The following ASTN2 variants were observed in gnomAD, a reference collection of about 807,000 sequenced individuals.
The protein encoded by ASTN2 is astrotactin-2.
A neutral mutation model predicts 139.8 loss-of-function variants in ASTN2; 54 were observed. The ratio of observed to expected loss-of-function variants is 0.39; its 90% CI spans 0.31 to 0.48. The LOEUF (loss-of-function observed/expected upper bound fraction) is 0.48. Among genes scored for constraint, ASTN2 ranks in the 20% least tolerant of loss-of-function variants. The pLI, the probability that ASTN2 is intolerant of heterozygous loss-of-function variation, is 0.95. For synonymous variants in ASTN2, 756 were observed against 719.5 expected, an observed-to-expected ratio of 1.05 and a Z score of -0.81; for missense variants, 1,565 against 1,725.1, an observed-to-expected ratio of 0.91 and a Z score of 1.64.
chr9:116,763,686 T>C (rs1829733846), intron 13 of ASTN2, among the ~76,000 whole-genome samples: 1 of 152,196 alleles, frequency 6.6e-6, no homozygotes, highest in South Asian at 2.1e-4. Flanking sequence ...TCTCTGAGTT[T>C]GTTTCTTTGT....
intron 1 of ASTN2, among the ~76,000 whole-genome samples, chr9:117,389,714 G>A (rs935530295): frequency 6.6e-6 from 1 of 152,076 alleles, no homozygotes; most frequent in African/African-American, 2.4e-5. Flanking sequence ...TACTAATTGT[G>A]AACCAAATGC....
intron 19 of ASTN2, among the ~76,000 whole-genome samples, chr9:116,565,409 A>ATT (rs1853168006): frequency 9.0e-6 from 1 of 110,646 alleles, no homozygotes; most frequent in African/African-American, 3.6e-5. Flanking sequence ...ATATATATAT[A>ATT]TATATATATA....
At chr9:116,533,608 A>G (rs1851468314) in intron 19 of ASTN2, among the ~76,000 whole-genome samples, 1 of 152,106 alleles carries the variant, frequency 6.6e-6, no homozygotes. Context: ...TTCTGCATCT[A>G]TTGAGATAAT....
chr9:116,439,346 G>A (rs186619643), intron 22 of ASTN2, among the ~76,000 whole-genome samples: 7,938 of 141,868 alleles, frequency 0.056, 431 homozygotes, highest in East Asian at 0.19. Context: ...GACTACAGGC[G>A]CCCGCCACTA....
chr9:117,189,171 A>G (rs147081048), intron 3 of ASTN2, among the ~76,000 whole-genome samples: 12 of 152,156 alleles, frequency 7.9e-5, no homozygotes, highest in African/African-American at 2.9e-4. Flanking sequence ...ACGGCACTTA[A>G]AAGTGCTCAG....
intron 1 of ASTN2, among the ~76,000 whole-genome samples, chr9:117,411,446 C>CAAAAAAA (rs199996219): frequency 6.9e-5 from 3 of 43,244 alleles, no homozygotes; most frequent in African/African-American, 1.9e-4. Flanking sequence ...AAAGGATCTG[C>CAAAAAAA]AAAAAAAAAA....
Position 117,414,412 on chromosome 9 carries a change from A to AT in ASTN2, c.442+84dup, listed in dbSNP as rs1016151137. 3.2e-6 allele frequency: 5 copies of AT among 1,562,602 alleles called. No homozygotes were observed. In the Admixed American group the frequency reaches 5.3e-5, roughly 17 times the overall value. ...CCACTCGGGGCAGCCCCGGGCAGGG[A>AT]TCCCCAGGGCGCCCCCACCCGTCCG... is the stretch of plus-strand genomic sequence containing the variant. On this transcript the variant is annotated intron_variant, in intron 1 of 22. Transcript: ENST00000313400. The surrounding 1 kb of genome is among the most constrained non-coding windows in gnomAD (Gnocchi z 4.2).
chr9:116,897,940 G>A lies in ASTN2; in HGVS notation c.1890-34207C>T, dbSNP rs189548718. On this transcript the variant is annotated intron_variant, in intron 10 of 22. Transcript: ENST00000313400. ...TTTGGGCAGGGAGAGCTGGGACAAA[G>A]ACTAGATTAGCAATGACAAATGTGG... Among the ~76,000 whole-genome samples the A allele has an allele frequency of 7.8e-4, 119 of 151,824 alleles. 1 individual carries two copies. The East Asian group carries it at 0.012, about 15-fold the overall frequency.
chr9:116,946,434 C>T (rs1434328814), intron 10 of ASTN2, among the ~76,000 whole-genome samples: 3 of 152,178 alleles, frequency 2.0e-5, no homozygotes, highest in East Asian at 3.9e-4. Context: ...ACTCCCCTCT[C>T]CTTCTTTCAC....
At chr9:116,746,818 T>C (rs1044344565) in intron 13 of ASTN2, among the ~76,000 whole-genome samples, 4 of 152,154 alleles carry the variant, frequency 2.6e-5, no homozygotes, top group African/African-American at 9.7e-5. Flanking sequence ...GTCTCCCTCA[T>C]TGGACCATGA....
At chr9:117,262,476 T>C (rs1463306010) in intron 2 of ASTN2, among the ~76,000 whole-genome samples, 8 of 152,000 alleles carry the variant, frequency 5.3e-5, no homozygotes, top group Admixed American at 2.6e-4. Context: ...TAGTTTTCCT[T>C]TGAGAAACTA....
At chr9:117,149,062 C>A (rs1830268062) in intron 3 of ASTN2, among the ~76,000 whole-genome samples, 1 of 151,818 alleles carries the variant, frequency 6.6e-6, no homozygotes. Context: ...CTCCATTGCC[C>A]AAGCTGGAGT....
intron 19 of ASTN2, among the ~76,000 whole-genome samples, chr9:116,615,990 T>C (rs1189726020): frequency 6.6e-6 from 1 of 152,136 alleles, no homozygotes; most frequent in Non-Finnish European, 1.5e-5. Flanking sequence ...TGCCTGAGAT[T>C]AGAAAAACAG....
chr9:117,208,167 T>C (rs1832000011), intron 3 of ASTN2, among the ~76,000 whole-genome samples: 1 of 152,074 alleles, frequency 6.6e-6, no homozygotes, highest in East Asian at 1.9e-4. Flanking sequence ...CTGATCATAA[T>C]AAAATACATG....
At chr9:116,516,075 T>C (rs574316009) in intron 19 of ASTN2, among the ~76,000 whole-genome samples, 27 of 152,308 alleles carry the variant, frequency 1.8e-4, no homozygotes, top group African/African-American at 5.8e-4. Context: ...TTTCCCTTAT[T>C]TTATTAAAAT....
intron 1 of ASTN2, among the ~76,000 whole-genome samples, chr9:117,294,389 A>T (rs969869481): frequency 9.8e-5 from 15 of 152,394 alleles, no homozygotes; most frequent in African/African-American, 3.6e-4. Context: ...CTTTATTACA[A>T]AGAAAAGAAA....
rs1197240654 is a variant in ASTN2 at position 116,751,549 on chromosome 9, G to GTTA, written c.2397-18029_2397-18027dup. Among the ~76,000 whole-genome samples the GTTA allele has an allele frequency of 6.0e-5, 9 of 151,178 alleles. No homozygotes were observed. The East Asian group carries it at 6.0e-4, about 10-fold the overall frequency. ...TCCATAAATGTTAACTATTATTATT[G>GTTA]TTATTATTATTATTATTAGAAATGT... On this transcript the variant is annotated intron_variant, in intron 13 of 22. Transcript: ENST00000313400.
At chr9:116,530,517 T>A (rs893382729) in intron 19 of ASTN2, among the ~76,000 whole-genome samples, 8 of 152,090 alleles carry the variant, frequency 5.3e-5, no homozygotes, top group African/African-American at 1.9e-4. Context: ...TGTGAGGTAA[T>A]GCATATCTGA....
intron 19 of ASTN2, among the ~76,000 whole-genome samples, chr9:116,606,162 C>A (rs1535360): frequency 0.94 from 142,330 of 152,126 alleles, 66,623 homozygotes; most frequent in East Asian, 0.96. Flanking sequence ...GCGTGCGGGG[C>A]ATTCAGCCAC....
Sources: allele counts gnomAD v4.1 joint callset (sites outside exome capture counted in the v4.1 genomes callset), GRCh38; gene constraint gnomAD v4.1.1; non-coding constraint Gnocchi (gnomAD v3.1); transcripts MANE v1.5; gene names NCBI Gene and HGNC (gene_info 2026-07-23, HGNC 2026-07-21).